CNTNAP5: variants seen among roughly 807,000 people sequenced by gnomAD.
CNTNAP5 encodes the protein contactin-associated protein-like 5.
In CNTNAP5, 72 loss-of-function variants were observed where a neutral mutation model predicts 150.2. That is an observed-to-expected ratio of 0.48 (90% CI 0.40 to 0.58). The LOEUF (loss-of-function observed/expected upper bound fraction) is 0.58. CNTNAP5 is among the 20% of genes least tolerant of loss of function. The pLI is 0.00. For missense variants in CNTNAP5, 1,636 were observed against 1,626.2 expected (o/e 1.01, Z -0.10); for synonymous variants, 672 against 619.8 (o/e 1.08, Z -1.25).
chr2:124,413,820 A>G (rs1408279073), intron 3 of CNTNAP5, among the ~76,000 whole-genome samples: 1 of 138,264 alleles, frequency 7.2e-6, no homozygotes, highest in East Asian at 2.1e-4. Context: ...AGCATGGCAC[A>G]TGTATACATA....
intron 4 of CNTNAP5, among the ~76,000 whole-genome samples, chr2:124,419,476 C>T (rs545713207): frequency 2.1e-4 from 32 of 152,238 alleles, no homozygotes; most frequent in Non-Finnish European, 3.1e-4. Flanking sequence ...AAAATAATAA[C>T]GATAACATGT....
chr2:124,558,681 T>C (rs1573458002), intron 10 of CNTNAP5, among the ~76,000 whole-genome samples: 2 of 152,316 alleles, frequency 1.3e-5, no homozygotes, highest in East Asian at 3.9e-4. Flanking sequence ...CTGTCTTGAT[T>C]CCTACTGCTT....
intron 19 of CNTNAP5, among the ~76,000 whole-genome samples, chr2:124,806,012 A>G (rs536328887): frequency 1.3e-5 from 2 of 152,350 alleles, no homozygotes; most frequent in South Asian, 2.1e-4. Context: ...TCTTCAACAT[A>G]TGAATCTTGT....
chr2:124,508,167 T>G (rs1358017251), intron 8 of CNTNAP5, among the ~76,000 whole-genome samples: 1 of 152,208 alleles, frequency 6.6e-6, no homozygotes, highest in Non-Finnish European at 1.5e-5. Flanking sequence ...GAGTAGCTAT[T>G]TAACACATTT....
At chr2:124,036,602 C>A (rs1681228187) in intron 1 of CNTNAP5, among the ~76,000 whole-genome samples, 1 of 152,016 alleles carries the variant, frequency 6.6e-6, no homozygotes, top group Non-Finnish European at 1.5e-5. Flanking sequence ...CCCTTTGACA[C>A]AATCCAAAGA....
chr2:124,329,541 C>A (rs891825251), intron 3 of CNTNAP5, among the ~76,000 whole-genome samples: 5 of 152,040 alleles, frequency 3.3e-5, no homozygotes, highest in Non-Finnish European at 7.4e-5. Flanking sequence ...AGCTCCATAC[C>A]TTGGTATATT....
chr2:124,304,837 T>A (rs1036079451), intron 3 of CNTNAP5, among the ~76,000 whole-genome samples: 3 of 152,130 alleles, frequency 2.0e-5, no homozygotes. Context: ...CTCCATTGTT[T>A]GTGCACTGAC....
intron 11 of CNTNAP5, among the ~76,000 whole-genome samples, chr2:124,567,784 A>C (rs953889452): frequency 6.6e-6 from 1 of 152,084 alleles, no homozygotes; most frequent in Non-Finnish European, 1.5e-5. Flanking sequence ...TACAAATCCA[A>C]ATTAAGATTA....
chr2:124,107,768 A>C (rs1683200501), intron 1 of CNTNAP5, among the ~76,000 whole-genome samples: 1 of 152,242 alleles, frequency 6.6e-6, no homozygotes, highest in Non-Finnish European at 1.5e-5. Flanking sequence ...TTAAGGATGC[A>C]CATGCATGAC....
chr2:124,633,210 T>C (rs771243815), intron 12 of CNTNAP5, among the ~76,000 whole-genome samples: 10 of 152,080 alleles, frequency 6.6e-5, no homozygotes, highest in Admixed American at 2.6e-4. Flanking sequence ...TAACATTAAC[T>C]CAAAAGTCCT....
At chr2:124,730,570 C>A (rs1213449493) in intron 13 of CNTNAP5, among the ~76,000 whole-genome samples, 1 of 151,854 alleles carries the variant, frequency 6.6e-6, no homozygotes, top group Non-Finnish European at 1.5e-5. Flanking sequence ...TAAACACTAG[C>A]CAATGTTTTC....
Position 124,713,310 on chromosome 2 carries a change from CTT to C in CNTNAP5, c.2078-33917_2078-33916del, listed in dbSNP as rs757996102. 4.8e-3 allele frequency among the ~76,000 whole-genome samples: 347 copies of C among 72,820 alleles called. 16 individuals carry two copies. Among genetic ancestry groups the C allele is most frequent in the South Asian group, 7.3e-3 (12 of 1,642 alleles). 47.8% of individuals were successfully genotyped at this position (72,820 alleles called of 152,430 possible). A position where few individuals can be genotyped will look rare whatever the true frequency, so the allele number is the denominator to read the frequency against. ...CTTTCTTTCTTTCTTTCTTCTTTCT[CTT>C]TCTTTCCTTTCTTTCTTTCTTTCTT... On this transcript the variant is annotated intron_variant, in intron 13 of 23. Coordinates refer to ENST00000682447, the MANE Select transcript of CNTNAP5 (RefSeq NM_001367498.1).
chr2:124,164,927 A>G (rs1573804068), intron 1 of CNTNAP5, among the ~76,000 whole-genome samples: 1 of 152,162 alleles, frequency 6.6e-6, no homozygotes, highest in African/African-American at 2.4e-5. Context: ...ATGTTTGTGC[A>G]GGGAAATGGG....
chr2:124,257,953 T>C (rs942334578), intron 3 of CNTNAP5, among the ~76,000 whole-genome samples: 7 of 152,178 alleles, frequency 4.6e-5, no homozygotes, highest in African/African-American at 1.7e-4. Flanking sequence ...TCATTATAAA[T>C]TTGACTTGAA....
intron 18 of CNTNAP5, among the ~76,000 whole-genome samples, chr2:124,795,874 G>T (rs1366199734): frequency 6.6e-6 from 1 of 151,800 alleles, no homozygotes; most frequent in African/African-American, 2.4e-5. Context: ...AGTTAGCATA[G>T]GTTCTTCCAC....
At chr2:124,499,447 A>G (rs1323294253) in intron 7 of CNTNAP5, among the ~76,000 whole-genome samples, 2 of 152,230 alleles carry the variant, frequency 1.3e-5, no homozygotes, top group African/African-American at 2.4e-5. Context: ...CTGCAGGGCA[A>G]AAGTGGGGAT....
intron 7 of CNTNAP5, among the ~76,000 whole-genome samples, chr2:124,496,229 G>A (rs953624211): frequency 2.6e-5 from 4 of 152,158 alleles, no homozygotes; most frequent in African/African-American, 9.6e-5. Context: ...GTCACCCTGA[G>A]TTTGTGAATA....
At chr2:124,776,600 C>T (rs1415487529) in intron 17 of CNTNAP5, among the ~76,000 whole-genome samples, 2 of 152,178 alleles carry the variant, frequency 1.3e-5, no homozygotes, top group Non-Finnish European at 2.9e-5. Context: ...GCCTCAGTCT[C>T]CTCTTGGAAT....
chr2:124,232,416 C>T (rs760327927), intron 2 of CNTNAP5, among the ~76,000 whole-genome samples: 1 of 152,088 alleles, frequency 6.6e-6, no homozygotes. Flanking sequence ...GTCTTCTTCT[C>T]GAGAAGCCTT....
Sources: allele counts gnomAD v4.1 joint callset (sites outside exome capture counted in the v4.1 genomes callset), GRCh38; gene constraint gnomAD v4.1.1; transcripts MANE v1.5; gene names NCBI Gene and HGNC (gene_info 2026-07-23, HGNC 2026-07-21).